The following HCFC1 variants were observed in gnomAD, a reference collection of about 807,000 sequenced individuals.
The protein encoded by HCFC1 is host cell factor C1.
HCFC1 carries 7 observed loss-of-function variants against 105.5 expected under a neutral mutation model. That is an observed-to-expected ratio of 0.07 (90% CI 0.04 to 0.12). The LOEUF (loss-of-function observed/expected upper bound fraction) is 0.12, where lower values mean the gene tolerates loss of function less well. Among genes scored for constraint, HCFC1 ranks in the 10% least tolerant of loss-of-function variants. The pLI is 1.00. For missense variants in HCFC1, 1,065 were observed against 1,823.6 expected (o/e 0.58, Z 7.58); for synonymous variants, 918 against 828.1 (o/e 1.11, Z -1.86).
Position 153,951,325 on chromosome X carries a change from G to A in HCFC1, c.5517+25C>T, listed in dbSNP as rs782647200. The A allele has an allele frequency of 6.6e-6, 8 of 1,206,592 alleles. No homozygotes were observed. In the African/African-American group the frequency reaches 1.2e-4, roughly 18 times the overall value. ...TGGAGCCAAGACCCACCCACCTGAG[G>A]ACATCAGCACCTGGGGACACTTACG... On this transcript the variant is annotated intron_variant, in intron 22 of 25. Coordinates refer to ENST00000310441, the MANE Select transcript of HCFC1 (RefSeq NM_005334.3).
rs782002402 is a variant in HCFC1, at chrX:153,949,151, C to T, written c.*196G>A. On this transcript the variant is annotated 3_prime_UTR_variant, in exon 26 of 26. Transcript: ENST00000310441. ...CTGCTTTCCCATCTGCCTCTGCTTC[C>T]TCCCAACAGCAATGGTAAAATGTGC... is the stretch of plus-strand genomic sequence containing the variant. 15 of 400,644 alleles carry T rather than the reference C, an allele frequency of 3.7e-5. No homozygotes were observed. The African/African-American group carries it at 3.8e-4, about 10-fold the overall frequency. The allele number at this position is 400,644 out of a possible 1,213,427, so 33.0% of individuals were successfully genotyped here. A position where few individuals can be genotyped will look rare whatever the true frequency, so the allele number is the denominator to read the frequency against.
rs781889604 is a variant in HCFC1, at chrX:153,954,448, G to A, written c.3951C>T (p.Cys1317=). Residue 1317 remains cysteine, a synonymous_variant, in exon 17 of 26, where the codon TGC becomes TGT. Transcript: ENST00000310441. ...TSNAGSAQRV[C]SNPPCETHET... is the part of the protein sequence containing the mutation. ...CGTGGGTCTCGCATGGCGGGTTGGA[G>A]CACACCCTCTGGGCGCTGCCTGCAT... 4.6e-5 allele frequency: 56 copies of A among 1,210,139 alleles called. No homozygotes were observed. Among genetic ancestry groups the A allele is most frequent in the Non-Finnish European group, 5.9e-5 (53 of 894,927 alleles).
Position 153,951,905 on chromosome X carries a change from G to A in HCFC1, c.5196C>T (p.Cys1732=). The A allele has an allele frequency of 8.4e-7, 1 of 1,191,949 alleles. No homozygotes were observed. Among genetic ancestry groups the A allele is most frequent in the Admixed American group, 2.2e-5 (1 of 44,567 alleles). Residue 1732 remains cysteine (C), a synonymous_variant, in exon 20 of 26, where the codon TGC becomes TGT. Transcript: ENST00000310441. ...GGACCGTGCCGGCCAGCTCATTGAG[G>A]CAATTGCTCTCAATGGCTGGGTCGT... is the stretch of plus-strand genomic sequence containing the variant. ...SLNDPAIESN[C]LNELAGTVPS... is the part of the protein sequence containing the mutation.
chrX:153,950,766 G>A, intron 23 of HCFC1, 47 bp downstream of exon 23: 1 of 1,158,918 alleles, frequency 8.6e-7, no homozygotes, highest in Non-Finnish European at 1.2e-6. Flanking sequence ...TGCTGAGGCA[G>A]GCAGAAACCA....
In HCFC1 at chrX:153,961,437, CG is replaced by C. The variant is rs2065428735; in HGVS notation, c.904+104del. 1.4e-5 allele frequency: 7 copies of C among 513,052 alleles called. 1 individual carries two copies. In the Middle Eastern group the frequency reaches 2.0e-3, roughly 149 times the overall value. 42.3% of individuals were successfully genotyped at this position (513,052 alleles called of 1,213,427 possible). ...CCTTCCAGTGGATTCCAAAGGGAGC[CG>C]GGGGCCCAGCTTGCTCCCCGCACAC... On this transcript the variant is annotated intron_variant, in intron 6 of 25. Transcript: ENST00000310441.
rs781863778 is a variant in HCFC1 at position 153,959,890 on chromosome X, G to A, written c.1356C>T (p.Ala452=). The change falls in exon 8 of 26, where the codon GCC becomes GCT. Residue 452 remains alanine, a synonymous_variant. Coordinates refer to ENST00000310441, the MANE Select transcript of HCFC1 (RefSeq NM_005334.3). ...TGGTGGTGGTGGTCGGGGGTGCGGG[G>A]GCAGCCTGGGGCAGGAGCGTGATGC... The part of the protein sequence containing the change: ...QVGITLLPQA[A]PAPPTTTTIQ... The A allele has an allele frequency of 8.3e-6, 10 of 1,198,858 alleles. No homozygotes were observed. Among genetic ancestry groups the A allele is most frequent in the African/African-American group, 1.8e-5 (1 of 57,079 alleles).
At position 153,959,929 on chromosome X, in the gene HCFC1, C is replaced by T. The variant is rs781810369; in HGVS notation, c.1317G>A (p.Pro439=). ...APAAAAPAVQ[P]LTQVGITLLP... The stretch of plus-strand genomic sequence containing the variant: ...GGAGCGTGATGCCTACTTGGGTCAG[C>T]GGCTGCACAGCAGGTGCGGCTGCTG... Residue 439 remains proline (P), a synonymous_variant, in exon 8 of 26, where the codon CCG becomes CCA. Coordinates refer to ENST00000310441, the MANE Select transcript of HCFC1 (RefSeq NM_005334.3). 9.9e-6 allele frequency: 12 copies of T among 1,207,872 alleles called. No homozygotes were observed. The African/African-American group carries it at 1.0e-4, about 11-fold the overall frequency.
At chrX:153,960,663 G>A (rs900416840) in intron 6 of HCFC1, among the ~76,000 whole-genome samples, 2 of 112,683 alleles carry the variant, frequency 1.8e-5, no homozygotes, top group Non-Finnish European at 1.9e-5. Flanking sequence ...CTCCTTGCCC[G>A]TTAAAGAACA....
rs1374236149 is a variant in HCFC1, at chrX:153,950,484, G to A, written c.5763C>T (p.Ile1921=). The change falls in exon 24 of 26, where the codon ATC becomes ATT. Residue 1921 remains isoleucine, a synonymous_variant. Coordinates refer to ENST00000310441, the MANE Select transcript of HCFC1 (RefSeq NM_005334.3). ...GGATGGCCAGGTACACGGAGTACTC[G>A]ATAATCTTGCCGGAGGTCACAGAGG... ...EPPSVTSGKI[I]EYSVYLAIQS... is the part of the protein sequence containing the mutation. The A allele has an allele frequency of 3.4e-6, 4 of 1,190,972 alleles. No individual in the cohort carries two copies. Among genetic ancestry groups the A allele is most frequent in the Middle Eastern group, 2.4e-4 (1 of 4,226 alleles).
chrX:153,957,713 C>T (rs2148582394), intron 12 of HCFC1, 69 bp downstream of exon 12: 1 of 867,664 alleles, frequency 1.2e-6, no homozygotes, highest in Non-Finnish European at 1.7e-6. Context: ...TGGGCAGGGA[C>T]ATGAGTTCTT....
Position 153,951,866 on chromosome X carries a change from C to A in HCFC1, c.5235G>T (p.Ala1745=), listed in dbSNP as rs781856398. ...ELAGTVPSTV[A]LLPSTATESL... ...TCTCAGTGGCCGTTGAGGGCAGCAGCGCCACAGTGCTGGGGACCGTGCCGG... is the reference window on the plus strand; with the variant it reads ...TCTCAGTGGCCGTTGAGGGCAGCAGAGCCACAGTGCTGGGGACCGTGCCGG... The change falls in exon 20 of 26, where the codon GCG becomes GCT. Residue 1745 remains alanine, a synonymous_variant. Transcript: ENST00000310441. 4 of 1,195,416 alleles carry A rather than the reference C, an allele frequency of 3.3e-6. No individual in the cohort carries two copies. The highest frequency in any genetic ancestry group is 4.5e-6 in the Non-Finnish European group (4 of 885,920).
In HCFC1 at chrX:153,948,714, C is replaced by G. The variant is rs1235050935; in HGVS notation, c.*633G>C. 8.9e-6 allele frequency: 1 copy of G among 112,603 alleles called. No homozygotes were observed. Among genetic ancestry groups the G allele is most frequent in the East Asian group, 2.8e-4 (1 of 3,579 alleles). 9.3% of individuals were successfully genotyped at this position (112,603 alleles called of 1,213,427 possible). A position where few individuals can be genotyped will look rare whatever the true frequency, so the allele number is the denominator to read the frequency against. ...CGCTGCCCAGGCCGCCGCGGGGCTCCTTGCCCCTTTTTTCTTTTTCCTTCT... is the reference window on the plus strand; with the variant it reads ...CGCTGCCCAGGCCGCCGCGGGGCTCGTTGCCCCTTTTTTCTTTTTCCTTCT... On this transcript the variant is annotated 3_prime_UTR_variant, in exon 26 of 26. Transcript: ENST00000310441.
chrX:153,957,944 G>A, intron 11 of HCFC1, 58 bp from the exon 12 acceptor site: 1 of 1,148,629 alleles, frequency 8.7e-7, no homozygotes, highest in Non-Finnish European at 1.2e-6. Flanking sequence ...GGCATGGCCT[G>A]GCTGAGACTC....
intron 5 of HCFC1, 30 bp from the exon 6 acceptor site, chrX:153,961,678 G>A: frequency 2.8e-6 from 3 of 1,084,115 alleles, no homozygotes; most frequent in Non-Finnish European, 3.8e-6. Context: ...AGTGGGAAAG[G>A]ATTGTAGAGT....
chrX:153,953,070 C>G (rs2065330791), intron 18 of HCFC1, 112 bp from the exon 19 acceptor site: 4 of 616,532 alleles, frequency 6.5e-6, no homozygotes, highest in Non-Finnish European at 1.1e-5. Context: ...TTGGGGCAGT[C>G]TCAGTCATTG....
Position 153,952,680 on chromosome X carries a change from C to CATT in HCFC1, c.4773_4775dup (p.Leu1591_Met1592insIle). On this transcript the variant is annotated inframe_insertion, in exon 19 of 26. Transcript: ENST00000310441. ...TGGTGGTGCCAGCTTGGGCCTCGGC[C>CATT]ATTAGCTCTTGGGGAAGTGATAACT... The CATT allele has an allele frequency of 8.3e-7, 1 of 1,210,723 alleles. No individual in the cohort carries two copies. Among genetic ancestry groups the CATT allele is most frequent in the Non-Finnish European group, 1.1e-6 (1 of 894,911 alleles).
Position 153,952,653 on chromosome X carries a change from G to A in HCFC1, c.4803C>T (p.Thr1601=). Residue 1601 remains threonine, a synonymous_variant, in exon 19 of 26, where the codon ACC becomes ACT. Coordinates refer to ENST00000310441, the MANE Select transcript of HCFC1 (RefSeq NM_005334.3). ...LMAEAQAGTT[T]LMVTGLTPEE... ...CGGGGGTGAGCCCCGTTACCATGAGGGTGGTGGTGCCAGCTTGGGCCTCGG... is the reference window on the plus strand; with the variant it reads ...CGGGGGTGAGCCCCGTTACCATGAGAGTGGTGGTGCCAGCTTGGGCCTCGG... 2 of 1,211,447 alleles carry A rather than the reference G, an allele frequency of 1.7e-6. No individual in the cohort carries two copies. The highest frequency in any genetic ancestry group is 2.2e-6 in the Non-Finnish European group (2 of 895,307).
At chrX:153,949,680 G>C in intron 24 of HCFC1, 64 bp from the exon 25 acceptor site, 1 of 976,723 alleles carries the variant, frequency 1.0e-6, no homozygotes, top group Non-Finnish European at 1.5e-6. Context: ...GAACACATGC[G>C]CCCTGCCCGC....
rs141437060 is a variant in HCFC1, at chrX:153,966,283, C to T, written c.194-1557G>A. On this transcript the variant is annotated intron_variant, in intron 1 of 25. Coordinates refer to ENST00000310441, the MANE Select transcript of HCFC1 (RefSeq NM_005334.3). ...TGTACCACCACCGCTCCTCCTGAGGCGAGAGCACCCCCACCCCGCTCTCCA... is the reference window on the plus strand; with the variant it reads ...TGTACCACCACCGCTCCTCCTGAGGTGAGAGCACCCCCACCCCGCTCTCCA... Among the ~76,000 whole-genome samples, 59 of 112,487 alleles carry T rather than the reference C, an allele frequency of 5.2e-4. No individual in the cohort carries two copies. In the East Asian group the frequency reaches 0.013, roughly 24 times the overall value.
Sources: gnomAD v4.1 joint callset for allele counts (sites outside exome capture counted in the v4.1 genomes callset) on GRCh38, gnomAD v4.1.1 for gene constraint, MANE v1.5 for transcripts, NCBI Gene and HGNC (gene_info 2026-07-23, HGNC 2026-07-21) for gene names.